Variants in RPS6KA4 observed in about 807,000 individuals in gnomAD.
The protein encoded by RPS6KA4 is ribosomal protein S6 kinase A4.
A neutral mutation model predicts 89.6 loss-of-function variants in RPS6KA4; 38 were observed. The ratio of observed to expected loss-of-function variants is 0.42; its 90% CI spans 0.33 to 0.56. The LOEUF (loss-of-function observed/expected upper bound fraction) is 0.56, where lower values mean the gene tolerates loss of function less well. RPS6KA4 is among the 20% of genes least tolerant of loss of function. The pLI, the probability that RPS6KA4 is intolerant of heterozygous loss-of-function variation, is 0.07. For missense variants in RPS6KA4, 873 were observed against 1,098.8 expected (o/e 0.79, Z 2.90); for synonymous variants, 495 against 492.8 (o/e 1.00, Z -0.06).
chr11:64,368,630 G>C lies in RPS6KA4; in HGVS notation c.1334+29G>C, dbSNP rs200685995. On this transcript the variant is annotated intron_variant, in intron 11 of 16. Transcript: ENST00000334205. Reference sequence around the variant, plus strand: ...GGAGGGCCCAGGCGCGGGCAGGGGTGGGGGTGGCAGAGCGCTGTCCCGGGG... The same window carrying C: ...GGAGGGCCCAGGCGCGGGCAGGGGTCGGGGTGGCAGAGCGCTGTCCCGGGG... The C allele has an allele frequency of 3.2e-6, 5 of 1,584,358 alleles. No individual in the cohort carries two copies. The African/African-American group carries it at 4.0e-5, about 13-fold the overall frequency.
At chr11:64,363,747 C>A (rs938853305) in intron 8 of RPS6KA4, among the ~76,000 whole-genome samples, 2 of 152,154 alleles carry the variant, frequency 1.3e-5, no homozygotes, top group African/African-American at 4.8e-5. Context: ...GCCTTAGCCT[C>A]CCAAAGTGCT....
At position 64,361,085 on chromosome 11, in the gene RPS6KA4, G is replaced by T. The variant is rs2036733083; in HGVS notation, c.463-49G>T. ...AGCAGGGCCAGGAGCTGGAGGAGCT[G>T]GGGAGGGTTTCGGGGAGGAAGCCTC... On this transcript the variant is annotated intron_variant, in intron 4 of 16. Transcript: ENST00000334205. This position sits in a 1 kb window ranked among gnomAD's most constrained non-coding sequence, Gnocchi z 4.7. The T allele has an allele frequency of 2.0e-6, 3 of 1,520,962 alleles. No individual in the cohort carries two copies. Among genetic ancestry groups the T allele is most frequent in the South Asian group, 2.3e-5 (2 of 87,112 alleles). 94.2% of individuals were successfully genotyped at this position (1,520,962 alleles called of 1,614,324 possible). A position where few individuals can be genotyped will look rare whatever the true frequency, so the allele number is the denominator to read the frequency against.
At chr11:64,364,483 A>T (rs1036278928) in intron 8 of RPS6KA4, among the ~76,000 whole-genome samples, 4 of 152,260 alleles carry the variant, frequency 2.6e-5, no homozygotes, top group Admixed American at 1.3e-4. Flanking sequence ...GATATTGAGC[A>T]GGCAATCAAC....
chr11:64,360,697 G>C lies in RPS6KA4; in HGVS notation c.462+105G>C, dbSNP rs1413874225. On this transcript the variant is annotated intron_variant, in intron 4 of 16. Coordinates refer to ENST00000334205, the MANE Select transcript of RPS6KA4 (RefSeq NM_003942.3). ...TCAGGCTTCCCCCTGGGCTTCCTGG[G>C]GGGCCAGTGGTGAGCTGGGTGGGAA... 4 of 976,024 alleles carry C rather than the reference G, an allele frequency of 4.1e-6. No homozygotes were observed. In the Admixed American group the frequency reaches 9.5e-5, roughly 23 times the overall value. The allele number at this position is 976,024 out of a possible 1,614,324, so 60.5% of individuals were successfully genotyped here. A position where few individuals can be genotyped will look rare whatever the true frequency, so the allele number is the denominator to read the frequency against.
At chr11:64,359,558 C>T in intron 2 of RPS6KA4, 109 bp downstream of exon 2, 1 of 1,185,988 alleles carries the variant, frequency 8.4e-7, no homozygotes. Flanking sequence ...CCCACCCTTT[C>T]CCGGCACAGC....
At chr11:64,363,410 G>A (rs1367953036) in intron 8 of RPS6KA4, among the ~76,000 whole-genome samples, 1 of 152,204 alleles carries the variant, frequency 6.6e-6, no homozygotes, top group Non-Finnish European at 1.5e-5. Context: ...GGATACTGGA[G>A]TGGGTTGACC....
chr11:64,369,317 A>AAAGG, intron 12 of RPS6KA4, 129 bp from the exon 13 acceptor site: 1 of 1,113,944 alleles, frequency 9.0e-7, no homozygotes, highest in Non-Finnish European at 1.2e-6. Context: ...AGAAAGAAAG[A>AAAGG]AAAAGGACTT....
rs1485895804 is a variant in RPS6KA4, at chr11:64,369,743, C to A, written c.1647C>A (p.Ile549=). 3.1e-6 allele frequency: 5 copies of A among 1,611,476 alleles called. No individual in the cohort carries two copies. Among genetic ancestry groups the A allele is most frequent in the African/African-American group, 1.3e-5 (1 of 75,014 alleles). The part of the protein sequence containing the change: ...ADDTPGAPVK[I]IDFGFARLRP... ...ACACGCCCGGGGCCCCGGTGAAAAT[C>A]ATCGACTTCGGGTTCGCGCGGTTGC... The change falls in exon 14 of 17, where the codon ATC becomes ATA. Residue 549 remains isoleucine (I), a synonymous_variant. Transcript: ENST00000334205.
chr11:64,370,604 G>C lies in RPS6KA4; in HGVS notation c.1999G>C (p.Gly667Arg). Reference sequence around the variant, plus strand: ...CCCCGCCAAGCGGCTGAAGCTCGAGGGACTGCGGGGCAGCTCGTGGCTGCA... The same window carrying C: ...CCCCGCCAAGCGGCTGAAGCTCGAGCGACTGCGGGGCAGCTCGTGGCTGCA... The part of the protein sequence containing the change: ...VDPAKRLKLE[G>R]LRGSSWLQDG... Residue 667 changes from glycine (G) to arginine (R), a missense_variant, in exon 16 of 17, where the codon GGA (glycine) becomes CGA (arginine). Physicochemically the swap from Gly to Arg is moderately radical, Grantham distance 125. This residue lies in a region of RPS6KA4 where 278 missense variants were observed against 284.8 expected (regional missense o/e 0.98). Transcript: ENST00000334205. This position sits in a 1 kb window ranked among gnomAD's most constrained non-coding sequence, Gnocchi z 4.1. 6.3e-6 allele frequency: 10 copies of C among 1,587,158 alleles called. No individual in the cohort carries two copies. Among genetic ancestry groups the C allele is most frequent in the Non-Finnish European group, 8.5e-6 (10 of 1,173,672 alleles).
chr11:64,360,799 C>T (rs918111921), intron 4 of RPS6KA4, among the ~76,000 whole-genome samples: 3 of 152,094 alleles, frequency 2.0e-5, no homozygotes, highest in Non-Finnish European at 2.9e-5. Flanking sequence ...GGCACCTCCT[C>T]GAAGGGGCTT....
chr11:64,361,838 C>G lies in RPS6KA4; in HGVS notation c.756-14C>G. Reference sequence around the variant, plus strand: ...GGGGGCTTGCTGCCCCTGACACCCCCCCAATCCTCCCAGACGGATCCTGAA... The same window carrying G: ...GGGGGCTTGCTGCCCCTGACACCCCGCCAATCCTCCCAGACGGATCCTGAA... On this transcript the variant is annotated splice_polypyrimidine_tract_variant and intron_variant, in intron 7 of 16. Transcript: ENST00000334205. This position sits in a 1 kb window ranked among gnomAD's most constrained non-coding sequence, Gnocchi z 4.7. 1 of 1,594,932 alleles carries G rather than the reference C, an allele frequency of 6.3e-7. No individual in the cohort carries two copies. The highest frequency in any genetic ancestry group is 8.5e-7 in the Non-Finnish European group (1 of 1,173,434).
rs772564706 is a variant in RPS6KA4 at position 64,371,426 on chromosome 11, C to A, written c.2265C>A (p.Pro755=). 1 of 1,603,584 alleles carries A rather than the reference C, an allele frequency of 6.2e-7. No homozygotes were observed. The highest frequency in any genetic ancestry group is 8.5e-7 in the Non-Finnish European group (1 of 1,175,158). ...CACCAGCCAACCCGGGCCGAGCCCC[C>A]GTCGCCTCCAAAGGGGCCCCCCGCC... ...SPAPANPGRA[P]VASKGAPRRA... is the part of the protein sequence containing the mutation. The change falls in exon 17 of 17, where the codon CCC becomes CCA. Residue 755 remains proline, a synonymous_variant. Coordinates refer to ENST00000334205, the MANE Select transcript of RPS6KA4 (RefSeq NM_003942.3).
chr11:64,369,363 AGGCCGGGGGCGG>A, intron 12 of RPS6KA4, 71 bp from the exon 13 acceptor site: 1 of 1,399,740 alleles, frequency 7.1e-7, no homozygotes, highest in Non-Finnish European at 9.4e-7. Context: ...CAGGGCCCGA[AGGCCGGGGGCGG>A]GGCCTGGGTG....
At chr11:64,369,348 A>G in intron 12 of RPS6KA4, 98 bp from the exon 13 acceptor site, 1 of 1,311,314 alleles carries the variant, frequency 7.6e-7, no homozygotes, top group Admixed American at 2.9e-5. Flanking sequence ...GTTCTCGAAC[A>G]TTGGCAGGGC....
At chr11:64,360,781 C>T in intron 4 of RPS6KA4, 189 bp downstream of exon 4, 1 of 602,788 alleles carries the variant, frequency 1.7e-6, no homozygotes, top group Non-Finnish European at 2.9e-6. Flanking sequence ...GGTGGGGTCC[C>T]CTCCCCTGGC....
rs1289695070 is a variant in RPS6KA4, at chr11:64,359,204, C to G, written c.-32C>G. ...CATGTAACCGGCGCCGCCCGGAGCCCGAGCCGCGCGGGCCCCAGCGACCCG... is the reference window on the plus strand; with the variant it reads ...CATGTAACCGGCGCCGCCCGGAGCCGGAGCCGCGCGGGCCCCAGCGACCCG... On this transcript the variant is annotated 5_prime_UTR_variant, in exon 1 of 17. Transcript: ENST00000334205. 1.6e-6 allele frequency: 2 copies of G among 1,287,502 alleles called. No homozygotes were observed. The highest frequency in any genetic ancestry group is 2.0e-6 in the Non-Finnish European group (2 of 1,009,858). 79.8% of individuals were successfully genotyped at this position (1,287,502 alleles called of 1,614,324 possible). A position where few individuals can be genotyped will look rare whatever the true frequency, so the allele number is the denominator to read the frequency against.
chr11:64,371,203 G>A, intron 16 of RPS6KA4, 80 bp from the exon 17 acceptor site: 1 of 1,441,924 alleles, frequency 6.9e-7, no homozygotes, highest in East Asian at 2.3e-5. Flanking sequence ...TGGAGGCAAG[G>A]TCTGGGAATG....
Position 64,369,885 on chromosome 11 carries a change from G to A in RPS6KA4, c.1789G>A (p.Val597Ile). 1 of 1,543,340 alleles carries A rather than the reference G, an allele frequency of 6.5e-7. No individual in the cohort carries two copies. The highest frequency in any genetic ancestry group is 8.7e-7 in the Non-Finnish European group (1 of 1,142,900). The change falls in exon 14 of 17, where the codon GTC becomes ATC. Residue 597 changes from valine to isoleucine, a missense_variant. Physicochemically the swap from Val to Ile is conservative, Grantham distance 29. Coordinates refer to ENST00000334205, the MANE Select transcript of RPS6KA4 (RefSeq NM_003942.3). ...DESCDLWSLG[V>I]ILYMMLSGQV... ...GTCCTGCGACCTCTGGAGCCTGGGC[G>A]TCATTCTGGTATGGGACGCGGTCCT...
rs1314843753 is a variant in RPS6KA4 at position 64,361,148 on chromosome 11, C to T, written c.477C>T (p.Tyr159=). 6.2e-7 allele frequency: 1 copy of T among 1,613,072 alleles called. No homozygotes were observed. The highest frequency in any genetic ancestry group is 8.5e-7 in the Non-Finnish European group (1 of 1,179,952). ...GCTCCTACCAGCTCGGCATCATTTA[C>T]CGAGACCTGAAACTGGAGAATGTGC... ...LEHLHKLGII[Y]RDLKLENVLL... Residue 159 remains tyrosine, a synonymous_variant, in exon 5 of 17, where the codon TAC becomes TAT. Transcript: ENST00000334205. The surrounding 1 kb of genome is among the most constrained non-coding windows in gnomAD (Gnocchi z 4.7).
Sources: allele counts gnomAD v4.1 joint callset (sites outside exome capture counted in the v4.1 genomes callset), GRCh38; gene constraint gnomAD v4.1.1; regional missense constraint gnomAD v4.1.1; non-coding constraint Gnocchi (gnomAD v3.1); transcripts MANE v1.5; gene names NCBI Gene and HGNC (gene_info 2026-07-23, HGNC 2026-07-21).